KIAA1217: variants seen among roughly 807,000 people sequenced by gnomAD.
KIAA1217 encodes sickle tail protein homolog.
In KIAA1217, 88 loss-of-function variants were observed where a neutral mutation model predicts 163.9. The observed-to-expected ratio is 0.54, with a 90% CI of 0.45 to 0.64. The LOEUF is 0.64. Ranked by LOEUF, KIAA1217 falls within the 30% of genes least tolerant of loss-of-function variation. KIAA1217 has a pLI of 0.00. For missense variants in KIAA1217, 2,372 were observed against 2,475.0 expected (o/e 0.96, Z 0.88); for synonymous variants, 903 against 923.1 (o/e 0.98, Z 0.39).
At chr10:24,214,174 A>G (rs1368605059) in intron 1 of KIAA1217, among the ~76,000 whole-genome samples, 1 of 152,162 alleles carries the variant, frequency 6.6e-6, no homozygotes, top group African/African-American at 2.4e-5. Flanking sequence ...AAACAAAGAA[A>G]AAAAACAAGG....
chr10:24,526,918 G>T (rs141262179), intron 13 of KIAA1217, among the ~76,000 whole-genome samples: 2 of 152,094 alleles, frequency 1.3e-5, no homozygotes, highest in Non-Finnish European at 2.9e-5. Context: ...TCTCCATCTC[G>T]CTGGACCTCA....
At chr10:24,518,418 C>A (rs2070543003) in intron 10 of KIAA1217, among the ~76,000 whole-genome samples, 1 of 152,108 alleles carries the variant, frequency 6.6e-6, no homozygotes, top group African/African-American at 2.4e-5. Context: ...GAAGTTTAAG[C>A]GTCTCCGTAT....
chr10:24,316,854 T>G (rs2043443309), intron 2 of KIAA1217, among the ~76,000 whole-genome samples: 1 of 152,204 alleles, frequency 6.6e-6, no homozygotes, highest in South Asian at 2.1e-4. Context: ...TGTGGTCTTC[T>G]ATGGAGAAAG....
rs61849195 is a variant in KIAA1217, at chr10:23,984,085, G to A, written c.-320-23140G>A. On this transcript the variant is annotated intron_variant, in intron 1 of 18. Transcript: ENST00000376462. ...AAATCCACTGGACAAAGGTTGCCAGGGCATAGGTAAAAGAATATTCTTTGA... is the reference window on the plus strand; with the variant it reads ...AAATCCACTGGACAAAGGTTGCCAGAGCATAGGTAAAAGAATATTCTTTGA... 5.5e-3 allele frequency among the ~76,000 whole-genome samples: 835 copies of A among 152,260 alleles called. 3 individuals are homozygous for A. Among genetic ancestry groups the A allele is most frequent in the Non-Finnish European group, 8.3e-3 (562 of 68,022 alleles).
intron 12 of KIAA1217, among the ~76,000 whole-genome samples, chr10:24,522,527 G>A (rs375218737): frequency 6.6e-6 from 1 of 152,118 alleles, no homozygotes. Context: ...TAGAAAAGAG[G>A]AACAAAGCAT....
chr10:24,394,931 C>T (rs541842419), intron 3 of KIAA1217, among the ~76,000 whole-genome samples: 90 of 152,280 alleles, frequency 5.9e-4, no homozygotes, highest in Non-Finnish European at 1.1e-3. Context: ...CGTGTTAAAG[C>T]GCAGGTTTCT....
intron 1 of KIAA1217, among the ~76,000 whole-genome samples, chr10:23,923,849 T>C (rs1297423534): frequency 6.6e-6 from 1 of 152,122 alleles, no homozygotes; most frequent in South Asian, 2.1e-4. Context: ...TTATTGAAAA[T>C]TTTAAATTGG....
At chr10:24,521,050 T>G (rs1369693441) in intron 11 of KIAA1217, among the ~76,000 whole-genome samples, 3 of 147,054 alleles carry the variant, frequency 2.0e-5, no homozygotes, top group Middle Eastern at 3.5e-3. Flanking sequence ...AAGTTTTTTT[T>G]TTTTTTTTTT....
intron 2 of KIAA1217, among the ~76,000 whole-genome samples, chr10:24,132,517 C>T (rs137868325): frequency 1.6e-4 from 24 of 152,324 alleles, no homozygotes; most frequent in African/African-American, 5.8e-4. Flanking sequence ...TGTCTCTGCC[C>T]TCCGGCAGGA....
intron 3 of KIAA1217, among the ~76,000 whole-genome samples, chr10:24,395,924 T>G (rs1304154410): frequency 1.3e-5 from 2 of 152,176 alleles, no homozygotes; most frequent in African/African-American, 2.4e-5. Context: ...GTCATCTACC[T>G]CAGCCTCCAA....
chr10:23,763,913 A>T lies in KIAA1217; in HGVS notation c.-321+68679A>T, dbSNP rs925150144. On this transcript the variant is annotated intron_variant, in intron 1 of 18. Coordinates refer to the KIAA1217 transcript ENST00000376462. ...AAAAATGTAGTTGGGAAAGTCATTT[A>T]AAAAAGCCAAAAGCAATTGCAACAA... Among the ~76,000 whole-genome samples, 9 of 152,110 alleles carry T rather than the reference A, an allele frequency of 5.9e-5. No individual in the cohort carries two copies. The East Asian group carries it at 1.3e-3, about 23-fold the overall frequency.
chr10:24,047,829 C>T (rs1179214252), intron 2 of KIAA1217, among the ~76,000 whole-genome samples: 2 of 152,162 alleles, frequency 1.3e-5, no homozygotes, highest in African/African-American at 4.8e-5. Flanking sequence ...CTGCTGATGA[C>T]TGTAGTTATC....
At chr10:24,016,666 G>A (rs777779973) in intron 2 of KIAA1217, among the ~76,000 whole-genome samples, 3 of 152,116 alleles carry the variant, frequency 2.0e-5, no homozygotes, top group Non-Finnish European at 4.4e-5. Flanking sequence ...TCTGGAGTCA[G>A]ACTGCAAGGG....
chr10:24,022,216 C>T (rs1376793308), intron 2 of KIAA1217, among the ~76,000 whole-genome samples: 1 of 151,370 alleles, frequency 6.6e-6, no homozygotes, highest in Non-Finnish European at 1.5e-5. Flanking sequence ...TTAAAAAAAA[C>T]TTGCATGCAA....
intron 2 of KIAA1217, among the ~76,000 whole-genome samples, chr10:24,141,139 T>C (rs1004261136): frequency 6.7e-6 from 1 of 150,318 alleles, no homozygotes; most frequent in African/African-American, 2.4e-5. Context: ...AGGGTACTGG[T>C]GCCAATAGAG....
intron 2 of KIAA1217, among the ~76,000 whole-genome samples, chr10:24,115,488 A>G (rs1290227919): frequency 2.0e-5 from 3 of 152,248 alleles, no homozygotes; most frequent in Admixed American, 6.5e-5. Context: ...AGGCCAGGCC[A>G]AAAACTGTCC....
chr10:23,824,653 AAAAAAATAT>A (rs1837800190), intron 1 of KIAA1217, among the ~76,000 whole-genome samples: 4 of 108,736 alleles, frequency 3.7e-5, no homozygotes, highest in African/African-American at 1.8e-4. Context: ...AAAAAAAATA[AAAAAAATAT>A]ATATATATAT....
chr10:23,939,980 G>C (rs886286159), intron 1 of KIAA1217, among the ~76,000 whole-genome samples: 6 of 150,526 alleles, frequency 4.0e-5, no homozygotes, highest in Admixed American at 6.6e-5. Flanking sequence ...AATATAAACT[G>C]TGTAGCTATA....
chr10:23,929,778 G>A (rs1843180168), intron 1 of KIAA1217, among the ~76,000 whole-genome samples: 1 of 152,180 alleles, frequency 6.6e-6, no homozygotes, highest in Non-Finnish European at 1.5e-5. Flanking sequence ...GAATGTAGGT[G>A]TCTTTTTGGT....
Sources: allele counts gnomAD v4.1 joint callset (sites outside exome capture counted in the v4.1 genomes callset), GRCh38; gene constraint gnomAD v4.1.1; transcripts MANE v1.5; gene names NCBI Gene and HGNC (gene_info 2026-07-23, HGNC 2026-07-21).